Variants in GRID2 observed in about 807,000 individuals in gnomAD.
GRID2 encodes the protein glutamate ionotropic receptor delta type subunit 2.
A neutral mutation model predicts 114.8 loss-of-function variants in GRID2; 33 were observed. The ratio of observed to expected loss-of-function variants is 0.29; its 90% CI spans 0.22 to 0.38. The LOEUF (loss-of-function observed/expected upper bound fraction) is 0.38. Among genes scored for constraint, GRID2 ranks in the 10% least tolerant of loss-of-function variants. The pLI, the probability that GRID2 is intolerant of heterozygous loss-of-function variation, is 1.00. For synonymous variants in GRID2, 505 were observed against 449.9 expected, an observed-to-expected ratio of 1.12 and a Z score of -1.55; for missense variants, 1,184 against 1,257.7, an observed-to-expected ratio of 0.94 and a Z score of 0.89.
intron 1 of GRID2, among the ~76,000 whole-genome samples, chr4:92,518,215 C>T (rs940150183): frequency 6.6e-6 from 1 of 150,760 alleles, no homozygotes; most frequent in Admixed American, 6.6e-5. Flanking sequence ...TCAGTGGATT[C>T]TTTGCCTGAT....
intron 1 of GRID2, among the ~76,000 whole-genome samples, chr4:92,528,530 G>A (rs1345459900): frequency 6.6e-6 from 1 of 151,784 alleles, no homozygotes; most frequent in Non-Finnish European, 1.5e-5. Context: ...TCATTTAGAT[G>A]GGATTTATTT....
downstream of GRID2, among the ~76,000 whole-genome samples, chr4:93,777,316 T>G (rs939109381): frequency 2.0e-5 from 3 of 152,248 alleles, no homozygotes; most frequent in Non-Finnish European, 2.9e-5. Flanking sequence ...TAGTATTCAT[T>G]TGCTTTGTTT....
At chr4:93,460,184 C>A (rs1723610764) in intron 11 of GRID2, among the ~76,000 whole-genome samples, 1 of 152,190 alleles carries the variant, frequency 6.6e-6, no homozygotes, top group Admixed American at 6.5e-5. Flanking sequence ...ATTTTCTTGG[C>A]TTCCCAATGC....
intron 1 of GRID2, among the ~76,000 whole-genome samples, chr4:92,366,640 A>G (rs1728880977): frequency 6.6e-6 from 1 of 152,042 alleles, no homozygotes; most frequent in African/African-American, 2.4e-5. Flanking sequence ...TATAAGCTAC[A>G]TAAGAAATCA....
At chr4:92,468,949 A>AT (rs1418264991) in intron 1 of GRID2, among the ~76,000 whole-genome samples, 6 of 152,218 alleles carry the variant, frequency 3.9e-5, no homozygotes, top group Admixed American at 2.0e-4. Flanking sequence ...AAGAGAAGGG[A>AT]TTTTGGTGTT....
At chr4:93,232,771 A>G (rs1300256222) in intron 7 of GRID2, among the ~76,000 whole-genome samples, 1 of 152,072 alleles carries the variant, frequency 6.6e-6, no homozygotes, top group Admixed American at 6.6e-5. Flanking sequence ...TCATAGAGTT[A>G]TCTTGATATA....
At chr4:93,403,253 A>G (rs983447905) in intron 9 of GRID2, among the ~76,000 whole-genome samples, 1 of 152,170 alleles carries the variant, frequency 6.6e-6, no homozygotes, top group Non-Finnish European at 1.5e-5. Flanking sequence ...ACAATAAAAT[A>G]TGATAAGTGC....
chr4:93,352,104 A>C (rs1760860323), intron 8 of GRID2, among the ~76,000 whole-genome samples: 1 of 152,076 alleles, frequency 6.6e-6, no homozygotes, highest in Non-Finnish European at 1.5e-5. Flanking sequence ...GCAAGATTAG[A>C]GAGCACTTAA....
chr4:92,645,053 C>G (rs1280386912), intron 2 of GRID2, among the ~76,000 whole-genome samples: 1 of 151,428 alleles, frequency 6.6e-6, no homozygotes, highest in Non-Finnish European at 1.5e-5. Context: ...GCAATTATAT[C>G]TCAAACTTAA....
intron 1 of GRID2, among the ~76,000 whole-genome samples, chr4:92,408,903 T>C (rs1220315808): frequency 6.6e-6 from 1 of 152,110 alleles, no homozygotes; most frequent in African/African-American, 2.4e-5. Context: ...TATAGAATCA[T>C]ATCATTGAAA....
At chr4:92,310,688 GTTATT>G (rs956301927) in intron 1 of GRID2, among the ~76,000 whole-genome samples, 58 of 151,954 alleles carry the variant, frequency 3.8e-4, no homozygotes, top group African/African-American at 1.4e-3. Context: ...ACATTGGAAA[GTTATT>G]TAATTTTTAG....
intron 8 of GRID2, among the ~76,000 whole-genome samples, chr4:93,332,175 A>G (rs1189741940): frequency 6.6e-6 from 1 of 152,060 alleles, no homozygotes; most frequent in African/African-American, 2.4e-5. Context: ...TTCTGAACAC[A>G]TGGACAAAAT....
chr4:92,902,756 C>A (rs769882760), intron 2 of GRID2, among the ~76,000 whole-genome samples: 2 of 151,962 alleles, frequency 1.3e-5, no homozygotes, highest in East Asian at 1.9e-4. Flanking sequence ...GTGTAATTCT[C>A]CCAACATATG....
chr4:92,567,342 G>T (rs62307851), intron 1 of GRID2, among the ~76,000 whole-genome samples: 1 of 151,646 alleles, frequency 6.6e-6, no homozygotes, highest in South Asian at 2.1e-4. Context: ...CTACACAGTG[G>T]TTTTTCTTAT....
At chr4:93,356,906 T>G (rs1018024950) in intron 8 of GRID2, among the ~76,000 whole-genome samples, 1 of 151,850 alleles carries the variant, frequency 6.6e-6, no homozygotes, top group Non-Finnish European at 1.5e-5. Context: ...GTGCTTTGTG[T>G]GTCTTTTTAT....
intron 1 of GRID2, among the ~76,000 whole-genome samples, chr4:92,543,629 C>T (rs1726090564): frequency 6.6e-6 from 1 of 152,072 alleles, no homozygotes; most frequent in South Asian, 2.1e-4. Flanking sequence ...AAACCAACAC[C>T]AGAACCTGGA....
At position 93,441,023 on chromosome 4, in the gene GRID2, AG is replaced by A. The variant is rs542846647; in HGVS notation, c.1546-14638del. 4.1e-4 allele frequency among the ~76,000 whole-genome samples: 62 copies of A among 152,238 alleles called. 2 individuals are homozygous for A. The East Asian group carries it at 6.2e-3, about 15-fold the overall frequency. ...TATAGACAAGGACAAACAAAACTTC[AG>A]TAAAATATTACAAATAAAAAGATTT... is the stretch of plus-strand genomic sequence containing the variant. On this transcript the variant is annotated intron_variant, in intron 10 of 15. Coordinates refer to ENST00000282020, the MANE Select transcript of GRID2 (RefSeq NM_001510.4).
chr4:92,968,153 C>A (rs1383924210), intron 2 of GRID2, among the ~76,000 whole-genome samples: 1 of 151,860 alleles, frequency 6.6e-6, no homozygotes, highest in Non-Finnish European at 1.5e-5. Context: ...AAACTATCAC[C>A]TATGTTCATG....
At chr4:92,854,278 C>T (rs1210757752) in intron 2 of GRID2, among the ~76,000 whole-genome samples, 1 of 151,932 alleles carries the variant, frequency 6.6e-6, no homozygotes, top group Non-Finnish European at 1.5e-5. Context: ...CTGAACAAGA[C>T]ATTTAATCCA....
Sources: allele counts gnomAD v4.1 joint callset (sites outside exome capture counted in the v4.1 genomes callset), GRCh38; gene constraint gnomAD v4.1.1; transcripts MANE v1.5; gene names NCBI Gene and HGNC (gene_info 2026-07-23, HGNC 2026-07-21).